The following DOK6 variants were observed in gnomAD, a reference collection of about 807,000 sequenced individuals.
The protein encoded by DOK6 is docking protein 6, also known as downstream of tyrosine kinase 6.
Under a neutral mutation model 44.0 loss-of-function variants are expected in DOK6, and 22 were observed. The ratio of observed to expected loss-of-function variants is 0.50; its 90% CI spans 0.36 to 0.71. The LOEUF is 0.71. Ranked by LOEUF, DOK6 falls within the 30% of genes least tolerant of loss-of-function variation. The pLI is 0.00. For missense variants in DOK6, 340 were observed against 416.4 expected, an observed-to-expected ratio of 0.82 and a Z score of 1.60; for synonymous variants, 166 against 145.5, an observed-to-expected ratio of 1.14 and a Z score of -1.01.
intron 1 of DOK6, among the ~76,000 whole-genome samples, chr18:69,513,394 A>T (rs543468983): frequency 1.3e-5 from 2 of 152,200 alleles, no homozygotes; most frequent in East Asian, 1.9e-4. Flanking sequence ...ACACACGCAC[A>T]CTCTCTCTCA....
At chr18:69,806,476 C>T (rs964128689) in intron 7 of DOK6, among the ~76,000 whole-genome samples, 2 of 151,892 alleles carry the variant, frequency 1.3e-5, no homozygotes, top group African/African-American at 4.8e-5. Context: ...TGAGCTTACC[C>T]TGTATGTATT....
intron 7 of DOK6, among the ~76,000 whole-genome samples, chr18:69,836,377 A>C (rs1484046762): frequency 6.6e-6 from 1 of 152,188 alleles, no homozygotes; most frequent in Non-Finnish European, 1.5e-5. Context: ...TATTTATGGA[A>C]TGGGACTACA....
chr18:69,841,190 C>A (rs1982206499), intron 7 of DOK6, 54 bp from the exon 8 acceptor site: 3 of 1,607,498 alleles, frequency 1.9e-6, no homozygotes, highest in Middle Eastern at 3.3e-4. Context: ...GATAGTGTAT[C>A]TTTTGTGCTT....
intron 3 of DOK6, among the ~76,000 whole-genome samples, chr18:69,636,397 C>T (rs1984810189): frequency 6.6e-6 from 1 of 152,156 alleles, no homozygotes; most frequent in South Asian, 2.1e-4. Flanking sequence ...GCCCTGGCAC[C>T]TTTCTTCTGT....
intron 3 of DOK6, among the ~76,000 whole-genome samples, chr18:69,631,209 A>G (rs1300499393): frequency 6.6e-6 from 1 of 152,200 alleles, no homozygotes; most frequent in Non-Finnish European, 1.5e-5. Flanking sequence ...AGACAATATG[A>G]GAAGACATAT....
intron 2 of DOK6, among the ~76,000 whole-genome samples, chr18:69,570,772 C>T (rs565513060): frequency 6.6e-6 from 1 of 152,032 alleles, no homozygotes; most frequent in South Asian, 2.1e-4. Flanking sequence ...ATGACACACA[C>T]ACACAAAAAA....
chr18:69,829,173 A>T (rs1981833408), intron 7 of DOK6, among the ~76,000 whole-genome samples: 1 of 151,082 alleles, frequency 6.6e-6, no homozygotes, highest in Admixed American at 6.6e-5. Context: ...GAAAACAGAG[A>T]AATGGAAGGA....
intron 5 of DOK6, among the ~76,000 whole-genome samples, chr18:69,715,719 GATTGT>G (rs1285729881): frequency 6.6e-6 from 1 of 152,234 alleles, no homozygotes; most frequent in Non-Finnish European, 1.5e-5. Flanking sequence ...TCTGGAAAGA[GATTGT>G]ATTAGAAACC....
At chr18:69,720,644 A>G (rs1986986260) in intron 5 of DOK6, among the ~76,000 whole-genome samples, 1 of 152,218 alleles carries the variant, frequency 6.6e-6, no homozygotes, top group Admixed American at 6.5e-5. Flanking sequence ...CTAATCAAAT[A>G]GTCACAAAAG....
chr18:69,563,282 C>A (rs560292324), intron 1 of DOK6, among the ~76,000 whole-genome samples: 151 of 152,206 alleles, frequency 9.9e-4, no homozygotes, highest in African/African-American at 3.5e-3. Context: ...GCCATTTGAC[C>A]CAGCCATCCC....
At chr18:69,469,725 T>TGAGAGGGCAGGACAC (rs1980037180) in intron 1 of DOK6, 1 of 280,716 alleles carries the variant, frequency 3.6e-6, no homozygotes, top group Non-Finnish European at 7.3e-6. Flanking sequence ...GCCAAGAACA[T>TGAGAGGGCAGGACAC]GAGAGGGCAG....
chr18:69,614,406 T>G (rs1313021064), intron 3 of DOK6, among the ~76,000 whole-genome samples: 4 of 152,188 alleles, frequency 2.6e-5, no homozygotes, highest in Non-Finnish European at 5.9e-5. Context: ...TACTGCGGCA[T>G]AGTTAGCAAG....
chr18:69,687,896 T>A (rs977212330), intron 4 of DOK6, among the ~76,000 whole-genome samples: 6 of 152,142 alleles, frequency 3.9e-5, no homozygotes, highest in African/African-American at 1.4e-4. Context: ...ACTAAAATTA[T>A]AAAAAATGAT....
At chr18:69,634,343 T>C (rs566154267) in intron 3 of DOK6, among the ~76,000 whole-genome samples, 1 of 152,198 alleles carries the variant, frequency 6.6e-6, no homozygotes, top group Admixed American at 6.5e-5. Flanking sequence ...GTACACCATT[T>C]TAAAGTAACC....
At chr18:69,651,972 T>C (rs533390876) in intron 3 of DOK6, among the ~76,000 whole-genome samples, 25 of 152,340 alleles carry the variant, frequency 1.6e-4, no homozygotes, top group African/African-American at 6.0e-4. Context: ...ATTGATTTGA[T>C]AACCAAAAGA....
intron 1 of DOK6, chr18:69,469,649 C>T: frequency 8.7e-6 from 2 of 228,640 alleles, no homozygotes; most frequent in South Asian, 4.8e-5. Context: ...CTGCCGGCTG[C>T]CTCACCAGAG....
chr18:69,665,187 A>C (rs1281076100), intron 3 of DOK6, among the ~76,000 whole-genome samples: 1 of 151,192 alleles, frequency 6.6e-6, no homozygotes, highest in Non-Finnish European at 1.5e-5. Context: ...TCTCAAAAAA[A>C]AGAAAAAAAA....
chr18:69,786,836 G>A (rs995153367), intron 7 of DOK6, among the ~76,000 whole-genome samples: 7 of 152,190 alleles, frequency 4.6e-5, no homozygotes, highest in African/African-American at 1.7e-4. Context: ...TGAACCACGT[G>A]ATTCCTAATT....
intron 4 of DOK6, among the ~76,000 whole-genome samples, chr18:69,695,038 A>G (rs1244817519): frequency 6.6e-6 from 1 of 152,190 alleles, no homozygotes; most frequent in Admixed American, 6.5e-5. Context: ...ATTAGATAAC[A>G]CTTTTGAAAA....
Sources: gnomAD v4.1 joint callset for allele counts (sites outside exome capture counted in the v4.1 genomes callset) on GRCh38, gnomAD v4.1.1 for gene constraint, MANE v1.5 for transcripts, NCBI Gene and HGNC (gene_info 2026-07-23, HGNC 2026-07-21) for gene names.